The following DNAH12 variants were observed in gnomAD, a reference collection of about 807,000 sequenced individuals.
DNAH12 encodes the protein dynein axonemal heavy chain 12.
Under a neutral mutation model 371.5 loss-of-function variants are expected in DNAH12, and 285 were observed. The observed-to-expected ratio is 0.77, with a 90% confidence interval of 0.70 to 0.85. The LOEUF is 0.85. Ranked by LOEUF, DNAH12 falls within the 40% of genes least tolerant of loss-of-function variation. The pLI, the probability that DNAH12 is intolerant of heterozygous loss-of-function variation, is 0.00. For missense variants in DNAH12, 3,611 were observed against 3,689.4 expected (o/e 0.98, Z 0.55); for synonymous variants, 1,200 against 1,213.0 (o/e 0.99, Z 0.22).
intron 69 of DNAH12, among the ~76,000 whole-genome samples, chr3:57,308,603 C>T (rs1312608776): frequency 6.6e-6 from 1 of 152,164 alleles, no homozygotes; most frequent in Non-Finnish European, 1.5e-5. Flanking sequence ...ATTCACCATT[C>T]TCAACTACTC....
chr3:57,422,670 T>C (rs2064629437), intron 35 of DNAH12, among the ~76,000 whole-genome samples: 1 of 151,436 alleles, frequency 6.6e-6, no homozygotes, highest in African/African-American at 2.4e-5. Context: ...AATAAATAAA[T>C]AAAATGTCCT....
At chr3:57,382,949 C>A (rs971937963) in intron 49 of DNAH12, among the ~76,000 whole-genome samples, 1 of 152,132 alleles carries the variant, frequency 6.6e-6, no homozygotes, top group African/African-American at 2.4e-5. Context: ...GTTTTTCATG[C>A]AATTAAAGTT....
chr3:57,356,852 C>T (rs996679056), intron 59 of DNAH12, among the ~76,000 whole-genome samples: 2 of 152,076 alleles, frequency 1.3e-5, no homozygotes, highest in African/African-American at 4.8e-5. Context: ...CGATTCTCCT[C>T]CTGCCTCAGC....
At chr3:57,361,377 A>C (rs1348114363) in intron 58 of DNAH12, among the ~76,000 whole-genome samples, 1 of 148,736 alleles carries the variant, frequency 6.7e-6, no homozygotes, top group Non-Finnish European at 1.5e-5. Flanking sequence ...ATATATACAC[A>C]CACTTATATA....
intron 15 of DNAH12, 141 bp from the exon 16 acceptor site, chr3:57,470,777 G>A: frequency 1.4e-6 from 1 of 707,452 alleles, no homozygotes; most frequent in Admixed American, 3.5e-5. Context: ...CGTGATCTGG[G>A]CTCACTGCAA....
intron 58 of DNAH12, among the ~76,000 whole-genome samples, chr3:57,357,896 T>G (rs2062837074): frequency 1.3e-5 from 2 of 152,206 alleles, no homozygotes; most frequent in South Asian, 4.1e-4. Flanking sequence ...CAAGAATGCT[T>G]TTTCAACTAG....
intron 60 of DNAH12, among the ~76,000 whole-genome samples, chr3:57,336,733 G>A (rs190917507): frequency 3.2e-4 from 48 of 152,268 alleles, no homozygotes; most frequent in African/African-American, 9.4e-4. Context: ...GAATTTGGAA[G>A]TCATCACTCA....
At position 57,445,213 on chromosome 3, in the gene DNAH12, A is replaced by T. The variant is rs199929741; in HGVS notation, c.4386T>A (p.Asn1462Lys). The T allele has an allele frequency of 5.3e-5, 82 of 1,549,176 alleles. No individual in the cohort carries two copies. The highest frequency in any genetic ancestry group is 3.3e-4 in the Middle Eastern group (2 of 5,978). Reference sequence around the variant, plus strand: ...TTTCATTTGGGTATTTTAGTTTTAGATTGCCAGCAGCCACTAAAACGGCTT... The same window carrying T: ...TTTCATTTGGGTATTTTAGTTTTAGTTTGCCAGCAGCCACTAAAACGGCTT... ...AVKAVLVAAG[N>K]LKLKYPNENE... Residue 1462 changes from asparagine (N) to lysine (K), a missense_variant, in exon 28 of 74, where the codon AAT becomes AAA. By Grantham distance (94) the Asn-to-Lys change is moderately conservative. Transcript: ENST00000495027.
intron 59 of DNAH12, among the ~76,000 whole-genome samples, chr3:57,355,456 C>T (rs1368887763): frequency 8.6e-5 from 13 of 152,024 alleles, no homozygotes; most frequent in Non-Finnish European, 1.8e-4. Context: ...GAAAACTAAC[C>T]CAAGTAAGTT....
chr3:57,337,276 G>A (rs1236168694), intron 60 of DNAH12, among the ~76,000 whole-genome samples: 2 of 152,196 alleles, frequency 1.3e-5, no homozygotes, highest in African/African-American at 4.8e-5. Flanking sequence ...GGAGGCCATA[G>A]GCAGGAGGAC....
chr3:57,534,431 A>G (rs1339642453), intron 2 of DNAH12, among the ~76,000 whole-genome samples: 1 of 151,100 alleles, frequency 6.6e-6, no homozygotes, highest in Non-Finnish European at 1.5e-5. Context: ...GCCTTCTATT[A>G]TACCATCTTG....
At chr3:57,534,830 A>G (rs187678365) in intron 2 of DNAH12, among the ~76,000 whole-genome samples, 2 of 152,222 alleles carry the variant, frequency 1.3e-5, no homozygotes, top group African/African-American at 4.8e-5. Flanking sequence ...ATTCTTAGAA[A>G]CAAATTTCTT....
intron 49 of DNAH12, among the ~76,000 whole-genome samples, chr3:57,383,425 T>G (rs1281242854): frequency 6.6e-6 from 1 of 151,612 alleles, no homozygotes; most frequent in Non-Finnish European, 1.5e-5. Flanking sequence ...GGGGATGGAG[T>G]GCTGCAGATT....
intron 8 of DNAH12, among the ~76,000 whole-genome samples, chr3:57,505,089 C>T (rs59297208): frequency 0.29 from 43,912 of 151,822 alleles, 6,594 homozygotes; most frequent in East Asian, 0.51. Flanking sequence ...GGTTTTGTCA[C>T]GTTGCTCATG....
chr3:57,449,609 C>T (rs945057722), intron 25 of DNAH12, among the ~76,000 whole-genome samples: 19 of 152,224 alleles, frequency 1.2e-4, no homozygotes, highest in Admixed American at 7.9e-4. Flanking sequence ...CCTCATTGCC[C>T]GGGGCCGGCA....
At chr3:57,554,706 C>T in the DNAH12 span, among the ~76,000 whole-genome samples, 2 of 152,090 alleles carry the variant, frequency 1.3e-5, no homozygotes, top group African/African-American at 4.8e-5. Flanking sequence ...ACCTCCATCT[C>T]CCAGGTTCAA....
chr3:57,449,742 T>C (rs1178645550), intron 25 of DNAH12, among the ~76,000 whole-genome samples: 1 of 152,144 alleles, frequency 6.6e-6, no homozygotes, highest in African/African-American at 2.4e-5. Context: ...CACACCTCCC[T>C]GCAAGCTGAG....
intron 38 of DNAH12, 71 bp downstream of exon 38, chr3:57,415,355 A>T: frequency 6.7e-7 from 1 of 1,496,150 alleles, no homozygotes. Context: ...TATTTAATGT[A>T]CAATTTTAAA....
At chr3:57,377,985 AAG>A (rs1491265824) in intron 52 of DNAH12, among the ~76,000 whole-genome samples, 1 of 152,012 alleles carries the variant, frequency 6.6e-6, no homozygotes, top group African/African-American at 2.4e-5. Flanking sequence ...AAGGAGGGAC[AAG>A]AGAGAGAGAG....
Sources: gnomAD v4.1 joint callset for allele counts (sites outside exome capture counted in the v4.1 genomes callset) on GRCh38, gnomAD v4.1.1 for gene constraint, MANE v1.5 for transcripts, NCBI Gene and HGNC (gene_info 2026-07-23, HGNC 2026-07-21) for gene names.